Variants in TTC28 observed in about 807,000 individuals in gnomAD.
The protein encoded by TTC28 is tetratricopeptide repeat protein 28.
In TTC28, 61 loss-of-function variants were observed where a neutral mutation model predicts 198.0. The observed-to-expected ratio is 0.31, with a 90% confidence interval of 0.25 to 0.38. The LOEUF (loss-of-function observed/expected upper bound fraction) is 0.38. TTC28 is among the 10% of genes least tolerant of loss of function. The pLI is 1.00. For synonymous variants in TTC28, 1,171 were observed against 1,297.8 expected (o/e 0.90, Z 2.10); for missense variants, 2,678 against 3,164.0 (o/e 0.85, Z 3.69).
At chr22:28,068,329 T>A (rs1940839372) in intron 12 of TTC28, among the ~76,000 whole-genome samples, 1 of 152,128 alleles carries the variant, frequency 6.6e-6, no homozygotes, top group African/African-American at 2.4e-5. Flanking sequence ...TTTTCTTGTT[T>A]CAAAAAGAGG....
chr22:28,070,350 C>A (rs1158391146), intron 12 of TTC28, among the ~76,000 whole-genome samples: 1 of 152,176 alleles, frequency 6.6e-6, no homozygotes, highest in Non-Finnish European at 1.5e-5. Context: ...AGGAAAGACA[C>A]AAGGTGCTGA....
intron 13 of TTC28, among the ~76,000 whole-genome samples, chr22:28,027,347 CAT>C (rs1198706468): frequency 6.6e-6 from 1 of 152,226 alleles, no homozygotes; most frequent in East Asian, 1.9e-4. Context: ...TCAAAATGCA[CAT>C]GTGTTTTCTG....
At chr22:28,313,939 A>G (rs969257397) in intron 2 of TTC28, among the ~76,000 whole-genome samples, 2 of 152,232 alleles carry the variant, frequency 1.3e-5, no homozygotes, top group African/African-American at 2.4e-5. Context: ...TTTGCAGATG[A>G]CACGATTGTA....
At chr22:28,404,903 G>A (rs936513996) in intron 2 of TTC28, among the ~76,000 whole-genome samples, 3 of 152,180 alleles carry the variant, frequency 2.0e-5, no homozygotes, top group African/African-American at 7.2e-5. Context: ...GATGGCAGCA[G>A]GGCTTGATTA....
intron 2 of TTC28, among the ~76,000 whole-genome samples, chr22:28,339,876 T>C (rs1452372809): frequency 6.6e-6 from 1 of 152,090 alleles, no homozygotes; most frequent in African/African-American, 2.4e-5. Flanking sequence ...TGGCTCACAC[T>C]CAGTGGGCTG....
intron 2 of TTC28, among the ~76,000 whole-genome samples, chr22:28,396,808 T>C (rs2046825914): frequency 6.6e-6 from 1 of 152,202 alleles, no homozygotes; most frequent in South Asian, 2.1e-4. Flanking sequence ...AAATGCTGCA[T>C]TCAACTTGCA....
intron 2 of TTC28, among the ~76,000 whole-genome samples, chr22:28,377,458 A>G (rs1034379839): frequency 6.6e-6 from 1 of 151,636 alleles, no homozygotes; most frequent in Admixed American, 6.6e-5. Flanking sequence ...CTTTGTCTCT[A>G]TTTTCCAGTG....
At chr22:28,207,047 T>C (rs1926467145) in intron 5 of TTC28, among the ~76,000 whole-genome samples, 2 of 152,102 alleles carry the variant, frequency 1.3e-5, no homozygotes, top group Admixed American at 1.3e-4. Context: ...AAATTTGGGA[T>C]AATCCCTCAA....
intron 2 of TTC28, among the ~76,000 whole-genome samples, chr22:28,371,375 T>A (rs1200801123): frequency 6.8e-6 from 1 of 146,556 alleles, no homozygotes; most frequent in Admixed American, 6.8e-5. Flanking sequence ...CTGGGCGTGG[T>A]GGCACTTGCC....
At chr22:28,637,227 G>C (rs1054018633) in intron 1 of TTC28, among the ~76,000 whole-genome samples, 20 of 152,016 alleles carry the variant, frequency 1.3e-4, no homozygotes, top group African/African-American at 4.6e-4. Flanking sequence ...AGCCACGAGG[G>C]TCTCGATCTC....
chr22:28,078,073 G>A lies in TTC28; in HGVS notation c.3932+16007C>T, dbSNP rs979519677. On this transcript the variant is annotated intron_variant, in intron 12 of 22. Transcript: ENST00000397906. ...GTTCTATACAGTGGTTTCAATCTAC[G>A]CCTCTTTTGATCTGGGAGGAAGGGA... Among the ~76,000 whole-genome samples, 13 of 152,194 alleles carry A rather than the reference G, an allele frequency of 8.5e-5. No individual in the cohort carries two copies. In the East Asian group the frequency reaches 9.6e-4, roughly 11 times the overall value.
At chr22:28,285,632 G>A (rs1234585831) in intron 5 of TTC28, among the ~76,000 whole-genome samples, 8 of 152,056 alleles carry the variant, frequency 5.3e-5, no homozygotes, top group East Asian at 1.9e-4. Context: ...GATTGTGGTC[G>A]TTTCACAATG....
In TTC28 at chr22:28,629,826, G is replaced by A. The variant is rs1302018633; in HGVS notation, c.107C>T (p.Pro36Leu). ...GCCAATAGTGTCAGCACCAAAGAGA[G>A]GAATCTACAAACAAAGAAACTTTAT... Reference protein sequence around the residue: ...PESPPASAPIPLFGADTIGQR... With the variant: ...PESPPASAPILLFGADTIGQR... Residue 36 changes from proline (P) to leucine (L), a missense_variant, in exon 2 of 23, where the codon CCT becomes CTT. Around this residue, in one of 8 missense-constraint regions of TTC28, gnomAD observed 176 missense variants for 197.9 expected, o/e 0.89. Coordinates refer to ENST00000397906, the MANE Select transcript of TTC28 (RefSeq NM_001145418.2). The A allele has an allele frequency of 1.3e-6, 2 of 1,545,114 alleles. No individual in the cohort carries two copies. The highest frequency in any genetic ancestry group is 1.2e-5 in the South Asian group (1 of 82,940).
intron 5 of TTC28, among the ~76,000 whole-genome samples, chr22:28,205,058 T>C (rs1926280499): frequency 6.6e-6 from 1 of 152,176 alleles, no homozygotes; most frequent in Non-Finnish European, 1.5e-5. Flanking sequence ...CTATCAGCCT[T>C]ATCTCCATCA....
At chr22:28,636,750 G>T (rs2051279228) in intron 1 of TTC28, among the ~76,000 whole-genome samples, 2 of 152,010 alleles carry the variant, frequency 1.3e-5, no homozygotes, top group African/African-American at 4.8e-5. Flanking sequence ...AGTTGTATGA[G>T]TTCCTTATAT....
chr22:28,032,159 T>A (rs969493526), intron 12 of TTC28, among the ~76,000 whole-genome samples: 96 of 121,506 alleles, frequency 7.9e-4, no homozygotes, highest in Admixed American at 1.8e-3. Context: ...TTATATCTAC[T>A]TAGTGTGTGT....
intron 6 of TTC28, among the ~76,000 whole-genome samples, chr22:28,134,055 T>C (rs1943132315): frequency 1.3e-5 from 2 of 152,168 alleles, no homozygotes; most frequent in South Asian, 4.1e-4. Context: ...TGTTCAGCAA[T>C]ATTCACTGCT....
At chr22:28,426,993 T>C (rs1451254977) in intron 2 of TTC28, among the ~76,000 whole-genome samples, 1 of 152,256 alleles carries the variant, frequency 6.6e-6, no homozygotes, top group African/African-American at 2.4e-5. Context: ...AAGGGAACTA[T>C]GCTCTCTTAT....
rs187623116 is a variant in TTC28, at chr22:28,151,268, T to C, written c.1441+11824A>G. Among the ~76,000 whole-genome samples the C allele has an allele frequency of 2.7e-3, 410 of 152,326 alleles. 1 individual carries two copies. The highest frequency in any genetic ancestry group is 4.4e-3 in the Non-Finnish European group (301 of 68,034). The stretch of plus-strand genomic sequence containing the variant: ...TGCTGCTGATAACATCAGATTACAA[T>C]TAGCATCTACAAATGAACCAAGTGC... On this transcript the variant is annotated intron_variant, in intron 6 of 22. Transcript: ENST00000397906.
Sources: gnomAD v4.1 joint callset for allele counts (sites outside exome capture counted in the v4.1 genomes callset) on GRCh38, gnomAD v4.1.1 for gene constraint, gnomAD v4.1.1 regional missense constraint, MANE v1.5 for transcripts, NCBI Gene and HGNC (gene_info 2026-07-23, HGNC 2026-07-21) for gene names.